SOWAHD: variants seen among roughly 807,000 people sequenced by gnomAD.
SOWAHD encodes the protein ankyrin repeat domain-containing protein SOWAHD.
For missense variants in SOWAHD, 295 were observed against 297.7 expected, an observed-to-expected ratio of 0.99 and a Z score of 0.07; for synonymous variants, 142 against 147.2, an observed-to-expected ratio of 0.96 and a Z score of 0.26.
rs1476789474 is a variant in SOWAHD, at chrX:119,759,035, A to G, written c.368A>G (p.Glu123Gly). Reference protein sequence around the residue: ...REHAWILAAAEGRYEVLRELL... With the variant: ...REHAWILAAAGGRYEVLRELL... ...CACGCGTGGATTCTGGCAGCCGCCGAGGGCCGCTATGAGGTGCTGCGGGAG... is the reference window on the plus strand; with the variant it reads ...CACGCGTGGATTCTGGCAGCCGCCGGGGGCCGCTATGAGGTGCTGCGGGAG... The change falls in exon 1 of 1, where the codon GAG becomes GGG. Residue 123 changes from glutamate to glycine, a missense_variant. Coordinates refer to ENST00000343905, the MANE Select transcript of SOWAHD (RefSeq NM_001105576.3). The G allele has an allele frequency of 2.7e-5, 31 of 1,167,900 alleles. No homozygotes were observed. Among genetic ancestry groups the G allele is most frequent in the Non-Finnish European group, 3.5e-5 (31 of 879,950 alleles).
Position 119,759,353 on chromosome X carries a change from G to A in SOWAHD, c.686G>A (p.Arg229Gln). Reference protein sequence around the residue: ...HSGHRACHYLRPDAPWRLREL... With the variant: ...HSGHRACHYLQPDAPWRLREL... The stretch of plus-strand genomic sequence containing the variant: ...GGCCACCGGGCCTGCCACTACCTGC[G>A]GCCCGACGCGCCTTGGAGGTTGCGG... The change falls in exon 1 of 1, where the codon CGG (arginine) becomes CAG (glutamine). Residue 229 changes from arginine (R) to glutamine (Q), a missense_variant. Coordinates refer to ENST00000343905, the MANE Select transcript of SOWAHD (RefSeq NM_001105576.3). 1 of 1,194,822 alleles carries A rather than the reference G, an allele frequency of 8.4e-7. No individual in the cohort carries two copies. The highest frequency in any genetic ancestry group is 1.8e-5 in the South Asian group (1 of 55,188).
In SOWAHD at chrX:119,758,824, G is replaced by A; in HGVS notation, c.157G>A (p.Glu53Lys). The change falls in exon 1 of 1, where the codon GAG (glutamate) becomes AAG (lysine). Residue 53 changes from glutamate to lysine, a missense_variant. Glu to Lys is a moderately conservative substitution (Grantham distance 56). Coordinates refer to ENST00000343905, the MANE Select transcript of SOWAHD (RefSeq NM_001105576.3). ...CAAAGCCGCAGCCGCCGCCTCCCGG[G>A]AGCACCCCTTCCCAGGCACGCTGAT... ...WGKAAAAASR[E>K]HPFPGTLMHS... 1 of 1,147,527 alleles carries A rather than the reference G, an allele frequency of 8.7e-7. No homozygotes were observed. The highest frequency in any genetic ancestry group is 1.1e-6 in the Non-Finnish European group (1 of 870,612). The allele number at this position is 1,147,527 out of a possible 1,213,427, so 94.6% of individuals were successfully genotyped here. A position where few individuals can be genotyped will look rare whatever the true frequency, so the allele number is the denominator to read the frequency against.
rs2055537562 is a variant in SOWAHD, at chrX:119,759,654, C to T, written c.*39C>T. ...TGGAGAGCTAGGAGGGGCTGTGACA[C>T]TGTGGCGATGGCTAGGTCCTGGGTT... On this transcript the variant is annotated 3_prime_UTR_variant, in exon 1 of 1. Transcript: ENST00000343905. The T allele has an allele frequency of 9.0e-7, 1 of 1,106,104 alleles. No homozygotes were observed. Among genetic ancestry groups the T allele is most frequent in the African/African-American group, 1.9e-5 (1 of 53,362 alleles). The allele number at this position is 1,106,104 out of a possible 1,213,427, so 91.2% of individuals were successfully genotyped here.
rs1211285139 is a variant in SOWAHD at position 119,759,327 on chromosome X, C to T, written c.660C>T (p.Ser220=). 2 of 1,183,281 alleles carry T rather than the reference C, an allele frequency of 1.7e-6. No individual in the cohort carries two copies. Among genetic ancestry groups the T allele is most frequent in the Non-Finnish European group, 1.1e-6 (1 of 881,818 alleles). The part of the protein sequence containing the change: ...LGADATRRDH[S]GHRACHYLRP... Reference sequence around the variant, plus strand: ...CTGACGCTACGCGCCGCGACCACAGCGGCCACCGGGCCTGCCACTACCTGC... The same window carrying T: ...CTGACGCTACGCGCCGCGACCACAGTGGCCACCGGGCCTGCCACTACCTGC... Residue 220 remains serine (S), a synonymous_variant, in exon 1 of 1, where the codon AGC becomes AGT. Transcript: ENST00000343905.
At position 119,758,740 on chromosome X, in the gene SOWAHD, T is replaced by C; in HGVS notation, c.73T>C (p.Cys25Arg). The C allele has an allele frequency of 2.6e-6, 3 of 1,167,388 alleles. No individual in the cohort carries two copies. The highest frequency in any genetic ancestry group is 3.4e-6 in the Non-Finnish European group (3 of 880,493). ...CGCGCCGACCTCGCAGAGCCTGCGG[T>C]GCGCCCCGCAGCCCCGCCCCTCGAG... Reference protein sequence around the residue: ...SLAPTSQSLRCAPQPRPSRAD... With the variant: ...SLAPTSQSLRRAPQPRPSRAD... The change falls in exon 1 of 1, where the codon TGC becomes CGC. Residue 25 changes from cysteine to arginine, a missense_variant. Transcript: ENST00000343905.
rs1194662094 is a variant in SOWAHD at position 119,759,447 on chromosome X, C to T, written c.780C>T (p.Ser260=). ...GSGCTNLNNN[S]SGTTAWRAAS... The stretch of plus-strand genomic sequence containing the variant: ...GGTGCACCAACCTGAACAACAACAG[C>T]AGTGGCACCACTGCGTGGAGGGCCG... The change falls in exon 1 of 1, where the codon AGC becomes AGT. Residue 260 remains serine, a synonymous_variant. Coordinates refer to ENST00000343905, the MANE Select transcript of SOWAHD (RefSeq NM_001105576.3). The T allele has an allele frequency of 8.3e-7, 1 of 1,198,019 alleles. No homozygotes were observed. Among genetic ancestry groups the T allele is most frequent in the African/African-American group, 1.8e-5 (1 of 56,945 alleles).
rs779590715 is a variant in SOWAHD at position 119,759,249 on chromosome X, G to T, written c.582G>T (p.Ala194=). The change falls in exon 1 of 1, where the codon GCG becomes GCT. Residue 194 remains alanine, a synonymous_variant. Transcript: ENST00000343905. ...GCGGCCTCACGCCCCTCCACCTGGC[G>T]GCCCTTCAGGGCCACGACATGGTCA... ...GSGGLTPLHL[A]ALQGHDMVIK... 8.4e-7 allele frequency: 1 copy of T among 1,184,932 alleles called. No homozygotes were observed. Among genetic ancestry groups the T allele is most frequent in the Non-Finnish European group, 1.1e-6 (1 of 884,569 alleles).
chrX:119,758,621 C>T lies in SOWAHD; in HGVS notation c.-47C>T. On this transcript the variant is annotated 5_prime_UTR_variant, in exon 1 of 1. Coordinates refer to ENST00000343905, the MANE Select transcript of SOWAHD (RefSeq NM_001105576.3). The stretch of plus-strand genomic sequence containing the variant: ...CTCTCCCGTTGGGGCCCGGGAAGGG[C>T]AGCTAACGCTGGACACTGGGACGGC... 1 of 1,021,780 alleles carries T rather than the reference C, an allele frequency of 9.8e-7. No individual in the cohort carries two copies. Among genetic ancestry groups the T allele is most frequent in the Non-Finnish European group, 1.2e-6 (1 of 801,688 alleles). 84.2% of individuals were successfully genotyped at this position (1,021,780 alleles called of 1,213,427 possible).
chrX:119,758,736 G>A lies in SOWAHD; in HGVS notation c.69G>A (p.Leu23=), dbSNP rs751945692. The A allele has an allele frequency of 3.4e-6, 4 of 1,166,992 alleles. No individual in the cohort carries two copies. In the African/African-American group the frequency reaches 7.3e-5, roughly 21 times the overall value. The change falls in exon 1 of 1, where the codon CTG becomes CTA. Residue 23 remains leucine, a synonymous_variant. Transcript: ENST00000343905. ...CTCTCGCGCCGACCTCGCAGAGCCTGCGGTGCGCCCCGCAGCCCCGCCCCT... is the reference window on the plus strand; with the variant it reads ...CTCTCGCGCCGACCTCGCAGAGCCTACGGTGCGCCCCGCAGCCCCGCCCCT... ...TASLAPTSQS[L]RCAPQPRPSR...
At position 119,759,301 on chromosome X, in the gene SOWAHD, G is replaced by A; in HGVS notation, c.634G>A (p.Ala212Thr). The A allele has an allele frequency of 8.4e-7, 1 of 1,191,597 alleles. No homozygotes were observed. The highest frequency in any genetic ancestry group is 1.8e-5 in the South Asian group (1 of 54,636). The change falls in exon 1 of 1, where the codon GCT becomes ACT. Residue 212 changes from alanine (A) to threonine (T), a missense_variant. Coordinates refer to ENST00000343905, the MANE Select transcript of SOWAHD (RefSeq NM_001105576.3). Reference protein sequence around the residue: ...VIKVLVGALGADATRRDHSGH... With the variant: ...VIKVLVGALGTDATRRDHSGH... ...CAAGGTGCTGGTGGGCGCCCTGGGT[G>A]CTGACGCTACGCGCCGCGACCACAG...
In SOWAHD at chrX:119,758,737, C is replaced by A; in HGVS notation, c.70C>A (p.Arg24=). ...TCTCGCGCCGACCTCGCAGAGCCTG[C>A]GGTGCGCCCCGCAGCCCCGCCCCTC... ...ASLAPTSQSL[R]CAPQPRPSRA... is the part of the protein sequence containing the mutation. The change falls in exon 1 of 1, where the codon CGG becomes AGG. Residue 24 remains arginine (R), a synonymous_variant. Transcript: ENST00000343905. 8.6e-7 allele frequency: 1 copy of A among 1,166,441 alleles called. No homozygotes were observed. Among genetic ancestry groups the A allele is most frequent in the East Asian group, 3.3e-5 (1 of 30,746 alleles).
At position 119,759,807 on chromosome X, in the gene SOWAHD, G is replaced by C; in HGVS notation, c.*192G>C. On this transcript the variant is annotated 3_prime_UTR_variant, in exon 1 of 1. Coordinates refer to ENST00000343905, the MANE Select transcript of SOWAHD (RefSeq NM_001105576.3). ...TAACCACCGGCCTGGAGGACCCGGG[G>C]ACTCGGGCACCACCTCACCAAGAGA... 1 of 374,405 alleles carries C rather than the reference G, an allele frequency of 2.7e-6. No individual in the cohort carries two copies. Among genetic ancestry groups the C allele is most frequent in the Non-Finnish European group, 4.5e-6 (1 of 220,804 alleles). 30.9% of individuals were successfully genotyped at this position (374,405 alleles called of 1,213,427 possible).
chrX:119,759,202 G>A lies in SOWAHD; in HGVS notation c.535G>A (p.Asp179Asn). 8.4e-7 allele frequency: 1 copy of A among 1,187,127 alleles called. No individual in the cohort carries two copies. Reference sequence around the variant, plus strand: ...CGCCCTACGCCGGGGGCTGAGGCTCGACGTGAGCGCCCCAGGCAGCGGCGG... The same window carrying A: ...CGCCCTACGCCGGGGGCTGAGGCTCAACGTGAGCGCCCCAGGCAGCGGCGG... ...DFALRRGLRL[D>N]VSAPGSGGLT... The change falls in exon 1 of 1, where the codon GAC becomes AAC. Residue 179 changes from aspartate (D) to asparagine (N), a missense_variant. Transcript: ENST00000343905.
Position 119,759,297 on chromosome X carries a change from G to A in SOWAHD, c.630G>A (p.Leu210=), listed in dbSNP as rs759541502. 2 of 1,190,189 alleles carry A rather than the reference G, an allele frequency of 1.7e-6. No homozygotes were observed. The highest frequency in any genetic ancestry group is 2.3e-5 in the Admixed American group (1 of 43,358). Reference sequence around the variant, plus strand: ...TCATCAAGGTGCTGGTGGGCGCCCTGGGTGCTGACGCTACGCGCCGCGACC... The same window carrying A: ...TCATCAAGGTGCTGGTGGGCGCCCTAGGTGCTGACGCTACGCGCCGCGACC... ...DMVIKVLVGA[L]GADATRRDHS... Residue 210 remains leucine, a synonymous_variant, in exon 1 of 1, where the codon CTG becomes CTA. Transcript: ENST00000343905.
Position 119,759,527 on chromosome X carries a change from G to C in SOWAHD, c.860G>C (p.Arg287Pro), listed in dbSNP as rs1251215911. 1 of 1,195,465 alleles carries C rather than the reference G, an allele frequency of 8.4e-7. No homozygotes were observed. The highest frequency in any genetic ancestry group is 1.7e-5 in the African/African-American group (1 of 57,263). ...VETSRRVAAS[R>P]TKAKDTAGSR... ...ACAAGCAGGAGAGTGGCAGCGTCGC[G>C]GACCAAGGCGAAGGACACCGCGGGC... Residue 287 changes from arginine to proline, a missense_variant, in exon 1 of 1, where the codon CGG becomes CCG. Transcript: ENST00000343905.
chrX:119,758,700 AC>A lies in SOWAHD; in HGVS notation c.36del (p.Thr13ArgfsTer48). ...AGCTCGGAGGGGCCGCGAACCGGGC[AC>A]CCACGGCCTCTCTCGCGCCGACCTC... ...AQLGGAANRA[P>X]TASLAPTSQS... On this transcript the variant is annotated frameshift_variant, in exon 1 of 1. Coordinates refer to ENST00000343905, the MANE Select transcript of SOWAHD (RefSeq NM_001105576.3). LOFTEE classifies it low-confidence loss of function (END_TRUNC). The A allele has an allele frequency of 8.8e-7, 1 of 1,140,754 alleles. No individual in the cohort carries two copies. Among genetic ancestry groups the A allele is most frequent in the Non-Finnish European group, 1.2e-6 (1 of 867,872 alleles). 94.0% of individuals were successfully genotyped at this position (1,140,754 alleles called of 1,213,427 possible).
rs769230958 is a variant in SOWAHD at position 119,759,051 on chromosome X, G to A, written c.384G>A (p.Val128=). The A allele has an allele frequency of 4.3e-6, 5 of 1,176,236 alleles. No individual in the cohort carries two copies. The highest frequency in any genetic ancestry group is 5.7e-6 in the Non-Finnish European group (5 of 883,625). The stretch of plus-strand genomic sequence containing the variant: ...CAGCCGCCGAGGGCCGCTATGAGGT[G>A]CTGCGGGAGCTGCTGGAGGCTGAGC... The part of the protein sequence containing the change: ...ILAAAEGRYE[V]LRELLEAEPE... The change falls in exon 1 of 1, where the codon GTG becomes GTA. Residue 128 remains valine, a synonymous_variant. Coordinates refer to ENST00000343905, the MANE Select transcript of SOWAHD (RefSeq NM_001105576.3).
chrX:119,759,004 CG>C lies in SOWAHD; in HGVS notation c.340del (p.Glu114SerfsTer63). On this transcript the variant is annotated frameshift_variant, in exon 1 of 1. Transcript: ENST00000343905. LOFTEE classifies it low-confidence loss of function (END_TRUNC). ...CAGCAGCAGGCTGTGCCTGGAACCG[CG>C]GGAGCACGCGTGGATTCTGGCAGCC... ...PGSSRLCLEP[R>X]EHAWILAAAE... The C allele has an allele frequency of 8.7e-7, 1 of 1,149,317 alleles. No individual in the cohort carries two copies. Among genetic ancestry groups the C allele is most frequent in the South Asian group, 2.0e-5 (1 of 51,230 alleles). The allele number at this position is 1,149,317 out of a possible 1,213,427, so 94.7% of individuals were successfully genotyped here.
Position 119,759,394 on chromosome X carries a change from G to C in SOWAHD, c.727G>C (p.Glu243Gln), listed in dbSNP as rs747783973. The change falls in exon 1 of 1, where the codon GAG becomes CAG. Residue 243 changes from glutamate (E) to glutamine (Q), a missense_variant. Transcript: ENST00000343905. ...GAGGTTGCGGGAGCTGTCGGGAGCC[G>C]AGGAATGGGAGATGGAGAGCGGCAG... is the stretch of plus-strand genomic sequence containing the variant. ...PWRLRELSGA[E>Q]EWEMESGSGC... 8.3e-7 allele frequency: 1 copy of C among 1,200,663 alleles called. No individual in the cohort carries two copies. Among genetic ancestry groups the C allele is most frequent in the East Asian group, 3.0e-5 (1 of 33,364 alleles).
Sources: gnomAD v4.1 joint callset for allele counts on GRCh38, gnomAD v4.1.1 for gene constraint, MANE v1.5 for transcripts, NCBI Gene and HGNC (gene_info 2026-07-23, HGNC 2026-07-21) for gene names.